The following VCL variants were observed in gnomAD, a reference collection of about 807,000 sequenced individuals.
VCL encodes epididymis luminal protein 114.
In VCL, 47 loss-of-function variants were observed where a neutral mutation model predicts 125.7. The ratio of observed to expected loss-of-function variants is 0.37; its 90% CI spans 0.30 to 0.48. The LOEUF is 0.48. Ranked by LOEUF, VCL falls within the 20% of genes least tolerant of loss-of-function variation. The pLI is 0.99. For missense variants in VCL, 1,069 were observed against 1,455.5 expected, an observed-to-expected ratio of 0.73 and a Z score of 4.32; for synonymous variants, 458 against 514.6, an observed-to-expected ratio of 0.89 and a Z score of 1.49.
rs760396103 is a variant in VCL, at chr10:74,118,157, C to T, written c.3393C>T (p.Pro1131=). The change falls in exon 22 of 22, where the codon CCC becomes CCT. Residue 1131 remains proline (P), a synonymous_variant. Transcript: ENST00000211998. ...GFTLRWVRKT[P]WYQ is the part of the protein sequence containing the mutation. ...CACTGCGCTGGGTTAGAAAGACTCC[C>T]TGGTACCAGTAGGCACCTGGCTGAG... is the stretch of plus-strand genomic sequence containing the variant. 5.0e-6 allele frequency: 8 copies of T among 1,613,988 alleles called. No individual in the cohort carries two copies. The highest frequency in any genetic ancestry group is 6.8e-6 in the Non-Finnish European group (8 of 1,180,014).
At chr10:74,098,299 C>A (rs1462103950) in intron 13 of VCL, among the ~76,000 whole-genome samples, 4 of 152,186 alleles carry the variant, frequency 2.6e-5, no homozygotes, top group Non-Finnish European at 4.4e-5. Context: ...ATAACACCAC[C>A]ACCCCAACTA....
intron 2 of VCL, among the ~76,000 whole-genome samples, chr10:74,061,042 C>A (rs961671081): frequency 1.3e-5 from 2 of 151,998 alleles, no homozygotes; most frequent in Non-Finnish European, 2.9e-5. Context: ...TTTAAATTAT[C>A]TAATTAAATA....
intron 1 of VCL, among the ~76,000 whole-genome samples, chr10:74,040,273 C>G (rs757554148): frequency 2.6e-5 from 4 of 152,088 alleles, no homozygotes; most frequent in Admixed American, 2.6e-4. Context: ...TTTTTTTATT[C>G]TCTACTCCAT....
intron 14 of VCL, among the ~76,000 whole-genome samples, chr10:74,103,439 T>C (rs771090108): frequency 1.3e-5 from 2 of 152,216 alleles, no homozygotes; most frequent in Non-Finnish European, 2.9e-5. Flanking sequence ...GATTTTTTCT[T>C]CATATTATTC....
intron 1 of VCL, among the ~76,000 whole-genome samples, chr10:74,011,389 T>A (rs1840433536): frequency 6.6e-6 from 1 of 152,152 alleles, no homozygotes; most frequent in African/African-American, 2.4e-5. Flanking sequence ...AGTCCTTGGA[T>A]GATGGATTTC....
chr10:74,020,994 C>A (rs1840654106), intron 1 of VCL, among the ~76,000 whole-genome samples: 1 of 152,040 alleles, frequency 6.6e-6, no homozygotes, highest in Non-Finnish European at 1.5e-5. Flanking sequence ...CTTTTTCTGA[C>A]CATAGTTTGT....
chr10:74,022,718 C>A (rs1294890029), intron 1 of VCL, among the ~76,000 whole-genome samples: 4 of 150,882 alleles, frequency 2.7e-5, no homozygotes, highest in African/African-American at 7.3e-5. Flanking sequence ...CTCACTGCAA[C>A]CTCCGCCTTC....
chr10:74,114,722 G>C lies in VCL; in HGVS notation c.3154-73G>C. ...GCCAGCCACTGGGAATACAGAGGTAGGTAAGTCTTGCCTTCAAGGAGCTTG... is the reference window on the plus strand; with the variant it reads ...GCCAGCCACTGGGAATACAGAGGTACGTAAGTCTTGCCTTCAAGGAGCTTG... On this transcript the variant is annotated intron_variant, in intron 20 of 21. Coordinates refer to ENST00000211998, the MANE Select transcript of VCL (RefSeq NM_014000.3). 4 of 1,458,536 alleles carry C rather than the reference G, an allele frequency of 2.7e-6. No homozygotes were observed. In the South Asian group the frequency reaches 4.9e-5, roughly 18 times the overall value. 90.3% of individuals were successfully genotyped at this position (1,458,536 alleles called of 1,614,324 possible). A position where few individuals can be genotyped will look rare whatever the true frequency, so the allele number is the denominator to read the frequency against.
chr10:74,084,841 G>A (rs112231336), intron 8 of VCL, among the ~76,000 whole-genome samples: 2,926 of 146,844 alleles, frequency 0.02, 39 homozygotes, highest in South Asian at 0.035. Context: ...CAAACTTCCG[G>A]CCTCAGGTGA....
chr10:74,024,001 G>GA (rs1470901412), intron 1 of VCL, among the ~76,000 whole-genome samples: 1 of 151,344 alleles, frequency 6.6e-6, no homozygotes, highest in South Asian at 2.1e-4. Context: ...AAAACATTAA[G>GA]AAAAAAAAGC....
At chr10:74,022,290 A>C (rs1313681235) in intron 1 of VCL, among the ~76,000 whole-genome samples, 2 of 152,126 alleles carry the variant, frequency 1.3e-5, no homozygotes, top group Non-Finnish European at 2.9e-5. Flanking sequence ...TCATGCCTGT[A>C]ATCCCAGCAC....
chr10:74,058,904 T>TGC (rs1841430569), intron 2 of VCL, among the ~76,000 whole-genome samples: 2 of 152,084 alleles, frequency 1.3e-5, no homozygotes. Flanking sequence ...TGTGTGTGTG[T>TGC]GTGCGTGTGC....
intron 21 of VCL, among the ~76,000 whole-genome samples, chr10:74,116,937 C>T (rs987120891): frequency 6.6e-6 from 1 of 152,104 alleles, no homozygotes; most frequent in Non-Finnish European, 1.5e-5. Flanking sequence ...GGAGAATTCA[C>T]CGCCTTCATT....
At chr10:74,117,159 A>G (rs907862697) in intron 21 of VCL, among the ~76,000 whole-genome samples, 15 of 152,192 alleles carry the variant, frequency 9.9e-5, no homozygotes, top group African/African-American at 3.1e-4. Context: ...TTTAAAATTC[A>G]TTAATTAAAT....
At chr10:74,107,127 C>G in intron 16 of VCL, 103 bp from the exon 17 acceptor site, 4 of 1,591,304 alleles carry the variant, frequency 2.5e-6, no homozygotes, top group Non-Finnish European at 8.6e-7. Context: ...TTACTGGCAG[C>G]TTCACATCCA....
chr10:74,110,233 A>C (rs1409688157), intron 18 of VCL, among the ~76,000 whole-genome samples: 1 of 152,224 alleles, frequency 6.6e-6, no homozygotes, highest in Non-Finnish European at 1.5e-5. Context: ...GGTGACAGTG[A>C]AGATTTTAAA....
rs971665708 is a variant in VCL at position 74,120,154 on chromosome 10, T to TA, written c.*1991dup. On this transcript the variant is annotated 3_prime_UTR_variant, in exon 22 of 22. Coordinates refer to ENST00000211998, the MANE Select transcript of VCL (RefSeq NM_014000.3). ...TTTAAAACAATAAAATGCATTTGTA[T>TA]AAAAAATGCTTTAAATGATGGATAT... 2 of 152,236 alleles carry TA rather than the reference T, an allele frequency of 1.3e-5. No homozygotes were observed. Among genetic ancestry groups the TA allele is most frequent in the African/African-American group, 2.4e-5 (1 of 41,460 alleles). 9.4% of individuals were successfully genotyped at this position (152,236 alleles called of 1,614,324 possible). A position where few individuals can be genotyped will look rare whatever the true frequency, so the allele number is the denominator to read the frequency against.
chr10:74,116,600 C>T (rs529338494), intron 21 of VCL, among the ~76,000 whole-genome samples: 5 of 151,668 alleles, frequency 3.3e-5, no homozygotes, highest in South Asian at 4.2e-4. Flanking sequence ...GCAGGAGAAT[C>T]GCTTGAACCT....
chr10:74,034,073 G>C (rs894344499), intron 1 of VCL, among the ~76,000 whole-genome samples: 1 of 152,204 alleles, frequency 6.6e-6, no homozygotes, highest in Non-Finnish European at 1.5e-5. Flanking sequence ...TGCATGTTAT[G>C]TAAGTAATAT....
Sources: gnomAD v4.1 joint callset for allele counts (sites outside exome capture counted in the v4.1 genomes callset) on GRCh38, gnomAD v4.1.1 for gene constraint, MANE v1.5 for transcripts, NCBI Gene and HGNC (gene_info 2026-07-23, HGNC 2026-07-21) for gene names.